PRORP: variants seen among roughly 807,000 people sequenced by gnomAD.
The protein encoded by PRORP is mitochondrial ribonuclease P catalytic subunit.
In PRORP, 51 loss-of-function variants were observed where a neutral mutation model predicts 59.4. The ratio of observed to expected loss-of-function variants is 0.86; its 90% confidence interval spans 0.69 to 1.08. The LOEUF (loss-of-function observed/expected upper bound fraction) is 1.08, where lower values mean the gene tolerates loss of function less well. Ranked by LOEUF, PRORP falls within the 50% of genes least tolerant of loss-of-function variation. The probability of loss-of-function intolerance (pLI) is 0.00; values close to 1 mark genes in which losing one functional copy is unlikely to be tolerated. For synonymous variants in PRORP, 231 were observed against 245.6 expected (o/e 0.94, Z 0.55); for missense variants, 646 against 690.3 (o/e 0.94, Z 0.72).
chr14:35,268,699 G>A (rs375569423), intron 6 of PRORP, among the ~76,000 whole-genome samples: 71 of 152,192 alleles, frequency 4.7e-4, no homozygotes, highest in African/African-American at 1.6e-3. Context: ...GGGTTCAAGC[G>A]ATTCTCCTGC....
intron 4 of PRORP, among the ~76,000 whole-genome samples, chr14:35,131,281 T>C (rs1470709291): frequency 1.3e-5 from 2 of 152,158 alleles, no homozygotes; most frequent in African/African-American, 2.4e-5. Context: ...TTAGCATTTA[T>C]TGTAGGATAG....
intron 4 of PRORP, among the ~76,000 whole-genome samples, chr14:35,130,947 C>CTTCTTCTTCTTTTTTT (rs2047223885): frequency 7.1e-6 from 1 of 141,362 alleles, no homozygotes. Flanking sequence ...CGGTCCTTTT[C>CTTCTTCTTCTTTTTTT]TTCTTCTTCT....
rs982082898 is a variant in PRORP, at chr14:35,124,798, A to G, written c.986+567A>G. 2.0e-5 allele frequency among the ~76,000 whole-genome samples: 3 copies of G among 150,350 alleles called. No homozygotes were observed. In the East Asian group the frequency reaches 5.8e-4, roughly 29 times the overall value. On this transcript the variant is annotated intron_variant, in intron 2 of 7. Transcript: ENST00000534898. Reference sequence around the variant, plus strand: ...GACTAGAACTGTCTCTGGCCATATTAGTATTTTCAGAAGTTCCTCTGAAAT... The same window carrying G: ...GACTAGAACTGTCTCTGGCCATATTGGTATTTTCAGAAGTTCCTCTGAAAT...
At chr14:35,236,070 TG>T (rs2050202833) in intron 5 of PRORP, among the ~76,000 whole-genome samples, 1 of 120,676 alleles carries the variant, frequency 8.3e-6, no homozygotes, top group Non-Finnish European at 1.6e-5. Context: ...CACTCCAACC[TG>T]GGCAACACAG....
intron 4 of PRORP, among the ~76,000 whole-genome samples, chr14:35,155,625 A>T (rs11848309): frequency 2.0e-5 from 3 of 150,416 alleles, no homozygotes; most frequent in African/African-American, 4.9e-5. Flanking sequence ...AGTTATGAAA[A>T]GGGAGATTAT....
intron 5 of PRORP, among the ~76,000 whole-genome samples, chr14:35,228,487 C>T (rs905302315): frequency 6.6e-6 from 1 of 152,184 alleles, no homozygotes; most frequent in African/African-American, 2.4e-5. Context: ...GTCCCAGTGT[C>T]CGTTGTTGCC....
At chr14:35,246,156 A>C (rs140950412) in intron 5 of PRORP, among the ~76,000 whole-genome samples, 5 of 152,126 alleles carry the variant, frequency 3.3e-5, no homozygotes, top group Non-Finnish European at 7.4e-5. Context: ...AGTGTTTTAA[A>C]ATTTTACGGT....
intron 4 of PRORP, among the ~76,000 whole-genome samples, chr14:35,162,151 A>T (rs1236662608): frequency 6.6e-6 from 1 of 152,094 alleles, no homozygotes; most frequent in Non-Finnish European, 1.5e-5. Context: ...ACTTGTTTCA[A>T]ATCTTTCACT....
intron 5 of PRORP, among the ~76,000 whole-genome samples, chr14:35,216,136 AT>A: frequency 6.8e-6 from 1 of 147,784 alleles, no homozygotes; most frequent in South Asian, 2.1e-4. Flanking sequence ...TATATAATAT[AT>A]TTATATAATA....
chr14:35,224,200 A>G (rs893285588), intron 5 of PRORP, among the ~76,000 whole-genome samples: 1 of 152,226 alleles, frequency 6.6e-6, no homozygotes, highest in Non-Finnish European at 1.5e-5. Flanking sequence ...CTTCAAAAAT[A>G]GAAAACTTTT....
chr14:35,252,895 C>T (rs532736555), intron 5 of PRORP, among the ~76,000 whole-genome samples: 1 of 152,240 alleles, frequency 6.6e-6, no homozygotes, highest in South Asian at 2.1e-4. Flanking sequence ...GTTCTCTCCA[C>T]CTGTTCTGTA....
intron 4 of PRORP, among the ~76,000 whole-genome samples, chr14:35,177,942 T>G (rs372457901): frequency 6.6e-6 from 1 of 152,280 alleles, no homozygotes; most frequent in East Asian, 1.9e-4. Context: ...CTGGTATGTT[T>G]TGTCTTTGTT....
intron 5 of PRORP, 82 bp downstream of exon 5, chr14:35,180,859 C>T (rs1411673970): frequency 5.7e-6 from 5 of 884,310 alleles, no homozygotes; most frequent in Non-Finnish European, 8.9e-6. Flanking sequence ...GGGCTCTTAG[C>T]TCCTCAGTTT....
intron 5 of PRORP, among the ~76,000 whole-genome samples, 193 bp downstream of exon 5, chr14:35,180,970 T>C (rs1302269327): frequency 6.6e-6 from 1 of 152,148 alleles, no homozygotes; most frequent in African/African-American, 2.4e-5. Flanking sequence ...TCTTCAAGGC[T>C]GGGAGAAAAC....
intron 5 of PRORP, among the ~76,000 whole-genome samples, chr14:35,181,314 T>G (rs1307059080): frequency 6.6e-6 from 1 of 152,152 alleles, no homozygotes; most frequent in Non-Finnish European, 1.5e-5. Context: ...CAATTAACAG[T>G]TACTTTAATC....
At chr14:35,262,101 T>C (rs2050919945) in intron 5 of PRORP, among the ~76,000 whole-genome samples, 1 of 152,224 alleles carries the variant, frequency 6.6e-6, no homozygotes, top group Admixed American at 6.5e-5. Flanking sequence ...TCTTAAGCCA[T>C]GTTTTCCCAG....
intron 5 of PRORP, among the ~76,000 whole-genome samples, chr14:35,215,993 C>T (rs2049578846): frequency 6.6e-6 from 1 of 151,454 alleles, no homozygotes; most frequent in Admixed American, 6.6e-5. Context: ...TCTTGAACTC[C>T]TGACCTCAAA....
chr14:35,123,884 CA>C lies in PRORP; in HGVS notation c.640del (p.Ser214ValfsTer7). 6.2e-7 allele frequency: 1 copy of C among 1,614,142 alleles called. No homozygotes were observed. The highest frequency in any genetic ancestry group is 1.1e-5 in the South Asian group (1 of 91,088). On this transcript the variant is annotated frameshift_variant, in exon 2 of 8. Coordinates refer to ENST00000534898, the MANE Select transcript of PRORP (RefSeq NM_014672.4). LOFTEE classifies it high-confidence loss of function. ...RYKTLEPRGY[S>X]LLIRGLIHSD... Reference sequence around the variant, plus strand: ...ATAAGACTTTAGAACCTAGAGGTTACAGTCTTCTCATCCGGGGATTGATCCA... The same window carrying C: ...ATAAGACTTTAGAACCTAGAGGTTACGTCTTCTCATCCGGGGATTGATCCA...
chr14:35,175,712 G>T (rs190141009), intron 4 of PRORP, among the ~76,000 whole-genome samples: 27,149 of 150,608 alleles, frequency 0.18, 2,727 homozygotes, highest in Admixed American at 0.26. Context: ...CTGATGGTAG[G>T]TTCTTTTGCT....
Sources: allele counts gnomAD v4.1 joint callset (sites outside exome capture counted in the v4.1 genomes callset), GRCh38; gene constraint gnomAD v4.1.1; transcripts MANE v1.5; gene names NCBI Gene and HGNC (gene_info 2026-07-23, HGNC 2026-07-21).